Variants in MYH3 observed in about 807,000 individuals in gnomAD.
MYH3 encodes the protein myosin heavy chain 3.
In MYH3, 130 loss-of-function variants were observed where a neutral mutation model predicts 238.0. That is an observed-to-expected ratio of 0.55 (90% CI 0.47 to 0.63). MYH3 has a LOEUF of 0.63. Ranked by LOEUF, MYH3 falls within the 30% of genes least tolerant of loss-of-function variation. The probability of loss-of-function intolerance (pLI) is 0.00; values close to 1 mark genes in which losing one functional copy is unlikely to be tolerated. For missense variants in MYH3, 1,853 were observed against 2,374.9 expected (o/e 0.78, Z 4.57); for synonymous variants, 880 against 924.1 (o/e 0.95, Z 0.86).
chr17:10,665,018 A>C, the MYH3 span, among the ~76,000 whole-genome samples: 2 of 152,240 alleles, frequency 1.3e-5, no homozygotes, highest in Non-Finnish European at 2.9e-5. Flanking sequence ...AGGTTACCAA[A>C]GGGATGAAAT....
At position 10,630,434 on chromosome 17, in the gene MYH3, T is replaced by C; in HGVS notation, c.5311A>G (p.Lys1771Glu). Residue 1771 changes from lysine to glutamate, a missense_variant, in exon 37 of 41, where the codon AAG (lysine) becomes GAG (glutamate). Lys to Glu is a moderately conservative substitution (Grantham distance 56). This residue lies in a region of MYH3 where 1,044 missense variants were observed against 1,192.6 expected (regional missense o/e 0.88). Coordinates refer to ENST00000583535, the MANE Select transcript of MYH3 (RefSeq NM_002470.4). ...TDAAMMAEEL[K>E]KEQDTSAHLE... ...TGGGCGCTGGTGTCCTGCTCCTTCT[T>C]CAGCTCCTCCGCCATCATGGCAGCC... is the stretch of plus-strand genomic sequence containing the variant. 1.2e-6 allele frequency: 2 copies of C among 1,614,174 alleles called. No homozygotes were observed. The highest frequency in any genetic ancestry group is 2.2e-5 in the South Asian group (2 of 91,080).
chr17:10,641,201 C>T lies in MYH3; in HGVS notation c.2049G>A (p.Gly683=), dbSNP rs764663924. The T allele has an allele frequency of 6.2e-7, 1 of 1,613,624 alleles. No individual in the cohort carries two copies. Among genetic ancestry groups the T allele is most frequent in the South Asian group, 1.1e-5 (1 of 91,078 alleles). Residue 683 remains glycine (G), a splice_region_variant and synonymous_variant, in exon 19 of 41, where the codon GGG becomes GGA. Transcript: ENST00000583535. ...CIIPNETKTP[G]AMEHSLVLHQ... ...GCAGAACAAGGCTGTGTTCCATAGCCCCTGGGAACAGAAGCGAGATATCAG... is the reference window on the plus strand; with the variant it reads ...GCAGAACAAGGCTGTGTTCCATAGCTCCTGGGAACAGAAGCGAGATATCAG...
intron 36 of MYH3, 74 bp from the exon 37 acceptor site, chr17:10,630,532 T>C: frequency 1.3e-6 from 2 of 1,597,874 alleles, no homozygotes. Context: ...CCTGGGGACC[T>C]CGGAGGACCA....
the MYH3 span, among the ~76,000 whole-genome samples, chr17:10,666,111 T>G: frequency 6.6e-6 from 1 of 151,442 alleles, no homozygotes; most frequent in Non-Finnish European, 1.5e-5. Flanking sequence ...AACAAATAGA[T>G]CAAATCAAAA....
chr17:10,635,950 C>T, intron 28 of MYH3, 97 bp from the exon 29 acceptor site: 1 of 1,030,736 alleles, frequency 9.7e-7, no homozygotes, highest in South Asian at 1.3e-5. Flanking sequence ...TCTGGGGAGA[C>T]AGAAAATGAT....
chr17:10,654,757 TG>T lies in MYH3; in HGVS notation c.204+103del. The T allele has an allele frequency of 9.2e-7, 1 of 1,085,346 alleles. No individual in the cohort carries two copies. The highest frequency in any genetic ancestry group is 1.4e-6 in the Non-Finnish European group (1 of 698,034). 67.2% of individuals were successfully genotyped at this position (1,085,346 alleles called of 1,614,324 possible). On this transcript the variant is annotated intron_variant, in intron 3 of 40. Transcript: ENST00000583535. This position sits in a 1 kb window ranked among gnomAD's most constrained non-coding sequence, Gnocchi z 4.5. ...TACATTGTATGCGGCATTCCAGTGC[TG>T]GAACCACATCTGGAAGTGGCTGGGG...
At chr17:10,640,953 G>A in intron 19 of MYH3, 132 bp downstream of exon 19, 2 of 910,492 alleles carry the variant, frequency 2.2e-6, no homozygotes, top group Non-Finnish European at 3.7e-6. Context: ...CCAAATGGTA[G>A]ATTGTTCAGT....
chr17:10,633,609 C>G lies in MYH3; in HGVS notation c.4629G>C (p.Leu1543=). The part of the protein sequence containing the change: ...QIELEKADIQ[L]ALEEAEAALE... ...CACTCACCTCTGCTTCCTCGAGAGCCAGCTGGATATCAGCCTTTTCCAGCT... is the reference window on the plus strand; with the variant it reads ...CACTCACCTCTGCTTCCTCGAGAGCGAGCTGGATATCAGCCTTTTCCAGCT... Residue 1543 remains leucine (L), a synonymous_variant, in exon 33 of 41, where the codon CTG becomes CTC. Transcript: ENST00000583535. 1 of 1,613,610 alleles carries G rather than the reference C, an allele frequency of 6.2e-7. No homozygotes were observed. Among genetic ancestry groups the G allele is most frequent in the Non-Finnish European group, 8.5e-7 (1 of 1,179,914 alleles).
In MYH3 at chr17:10,654,999, C is replaced by T; in HGVS notation, c.66G>A (p.Lys22=). ...GCTGGTTCTGAGCCTCGATCCTCTCCTTTTCTGACTTCCGGAGGAAAGGAG... is the reference window on the plus strand; with the variant it reads ...GCTGGTTCTGAGCCTCGATCCTCTCTTTTTCTGACTTCCGGAGGAAAGGAG... ...IAAPFLRKSE[K]ERIEAQNQPF... The change falls in exon 3 of 41, where the codon AAG becomes AAA. Residue 22 remains lysine (K), a synonymous_variant. Coordinates refer to ENST00000583535, the MANE Select transcript of MYH3 (RefSeq NM_002470.4). The surrounding 1 kb of genome is among the most constrained non-coding windows in gnomAD (Gnocchi z 4.5). 6.2e-7 allele frequency: 1 copy of T among 1,614,210 alleles called. No individual in the cohort carries two copies.
At chr17:10,666,186 GA>G in the MYH3 span, among the ~76,000 whole-genome samples, 1 of 152,070 alleles carries the variant, frequency 6.6e-6, no homozygotes, top group African/African-American at 2.4e-5. Context: ...TGGAAATGGG[GA>G]AGGCCCACCA....
chr17:10,639,704 A>G lies in MYH3; in HGVS notation c.2781T>C (p.Ala927=), dbSNP rs112745620. ...CAGCATTGATCTCCTCCTCATCTTC[A>G]GCTCTCTCTGTCACCTCCTTGATCT... ...EAKIKEVTER[A]EDEEEINAEL... Residue 927 remains alanine (A), a synonymous_variant, in exon 23 of 41, where the codon GCT becomes GCC. Coordinates refer to ENST00000583535, the MANE Select transcript of MYH3 (RefSeq NM_002470.4). 1 of 1,613,672 alleles carries G rather than the reference A, an allele frequency of 6.2e-7. No homozygotes were observed. The highest frequency in any genetic ancestry group is 1.1e-5 in the South Asian group (1 of 91,060).
At chr17:10,650,176 C>T (rs1021501820) in intron 6 of MYH3, among the ~76,000 whole-genome samples, 198 bp downstream of exon 6, 5 of 151,978 alleles carry the variant, frequency 3.3e-5, no homozygotes, top group African/African-American at 7.2e-5. Flanking sequence ...AGGGTTTCAC[C>T]GTGTTAGCCA....
chr17:10,659,539 G>A (rs1378505981), upstream of MYH3, among the ~76,000 whole-genome samples: 1 of 152,100 alleles, frequency 6.6e-6, no homozygotes, highest in African/African-American at 2.4e-5. Flanking sequence ...TATGTGTCAG[G>A]CACAGAACCC....
At chr17:10,629,324 C>G (rs1287092219) in intron 40 of MYH3, among the ~76,000 whole-genome samples, 1 of 152,126 alleles carries the variant, frequency 6.6e-6, no homozygotes, top group Non-Finnish European at 1.5e-5. Flanking sequence ...ATGATGGCTT[C>G]CAGCTTCATC....
chr17:10,634,755 G>C, intron 31 of MYH3, 85 bp downstream of exon 31: 2 of 1,543,558 alleles, frequency 1.3e-6, no homozygotes, highest in Non-Finnish European at 1.8e-6. Flanking sequence ...GGCAGAGTCA[G>C]GTCCGGGATG....
At position 10,630,476 on chromosome 17, in the gene MYH3, C is replaced by T. The variant is rs755876454; in HGVS notation, c.5287-18G>A. On this transcript the variant is annotated intron_variant, in intron 36 of 40. Transcript: ENST00000583535. Reference sequence around the variant, plus strand: ...ATGGCAGCCTGAAAAGCACATGGGACTTGCTAGGATGCAGAGGAAGCTCCA... The same window carrying T: ...ATGGCAGCCTGAAAAGCACATGGGATTTGCTAGGATGCAGAGGAAGCTCCA... The T allele has an allele frequency of 6.2e-7, 1 of 1,614,088 alleles. No homozygotes were observed. The highest frequency in any genetic ancestry group is 2.2e-5 in the East Asian group (1 of 44,880).
At chr17:10,637,216 T>C (rs1438445086) in intron 28 of MYH3, among the ~76,000 whole-genome samples, 2 of 151,898 alleles carry the variant, frequency 1.3e-5, no homozygotes, top group Non-Finnish European at 2.9e-5. Flanking sequence ...CCCACCACCA[T>C]GCCTCGCTAA....
At chr17:10,628,869 G>C (rs1158258881) in intron 40 of MYH3, among the ~76,000 whole-genome samples, 190 bp from the exon 41 acceptor site, 1 of 152,188 alleles carries the variant, frequency 6.6e-6, no homozygotes, top group Non-Finnish European at 1.5e-5. Flanking sequence ...CCCTCCGAAA[G>C]AGCAAGCCCC....
intron 28 of MYH3, among the ~76,000 whole-genome samples, chr17:10,637,146 G>A (rs1206863146): frequency 2.0e-5 from 3 of 150,162 alleles, no homozygotes; most frequent in Non-Finnish European, 4.4e-5. Flanking sequence ...TGCAACCTCC[G>A]CCTCCTGGGT....
Sources: allele counts gnomAD v4.1 joint callset (sites outside exome capture counted in the v4.1 genomes callset), GRCh38; gene constraint gnomAD v4.1.1; regional missense constraint gnomAD v4.1.1; non-coding constraint Gnocchi (gnomAD v3.1); transcripts MANE v1.5; gene names NCBI Gene and HGNC (gene_info 2026-07-23, HGNC 2026-07-21).